Variants in CSMD1 observed in about 807,000 individuals in gnomAD.
CSMD1 encodes the protein CUB and sushi domain-containing protein 1.
In CSMD1, 213 loss-of-function variants were observed where a neutral mutation model predicts 417.5. The observed-to-expected ratio is 0.51, with a 90% CI of 0.46 to 0.57. CSMD1 has a LOEUF of 0.57. CSMD1 is among the 20% of genes least tolerant of loss of function. The pLI is 0.00. For synonymous variants in CSMD1, 2,862 were observed against 1,736.8 expected, an observed-to-expected ratio of 1.65 and a Z score of -16.11; for missense variants, 6,923 against 4,529.7, an observed-to-expected ratio of 1.53 and a Z score of -15.17.
At chr8:3,456,023 C>T (rs746650805) in intron 12 of CSMD1, among the ~76,000 whole-genome samples, 2 of 152,128 alleles carry the variant, frequency 1.3e-5, no homozygotes, top group Non-Finnish European at 2.9e-5. Context: ...GGTGCCCCTC[C>T]CCCAGCCTCG....
chr8:4,180,524 A>G (rs1233892955), intron 3 of CSMD1, among the ~76,000 whole-genome samples: 1 of 151,910 alleles, frequency 6.6e-6, no homozygotes, highest in Non-Finnish European at 1.5e-5. Context: ...ACATGTATAC[A>G]TATGTAACTA....
intron 5 of CSMD1, among the ~76,000 whole-genome samples, chr8:3,936,369 T>A (rs2129709920): frequency 6.6e-6 from 1 of 152,194 alleles, no homozygotes; most frequent in Middle Eastern, 3.4e-3. Context: ...CCATCTAGGA[T>A]TTTCATAGCT....
chr8:3,235,940 CAG>C (rs373141517), intron 26 of CSMD1, among the ~76,000 whole-genome samples: 1,150 of 74,418 alleles, frequency 0.015, 19 homozygotes, highest in African/African-American at 0.048. Context: ...TTTTTTGAGA[CAG>C]AGTCTTGATC....
chr8:3,534,207 C>A (rs753073699), intron 10 of CSMD1, among the ~76,000 whole-genome samples: 1 of 152,144 alleles, frequency 6.6e-6, no homozygotes, highest in Non-Finnish European at 1.5e-5. Flanking sequence ...TCCTGCAATG[C>A]CACGCCCTTT....
intron 26 of CSMD1, among the ~76,000 whole-genome samples, chr8:3,253,593 C>T (rs1244896476): frequency 2.6e-5 from 4 of 152,090 alleles, no homozygotes; most frequent in Non-Finnish European, 5.9e-5. Flanking sequence ...TTTTTAACTT[C>T]CTGTCTCATT....
intron 12 of CSMD1, among the ~76,000 whole-genome samples, chr8:3,466,618 G>T (rs112544899): frequency 8.4e-5 from 12 of 143,100 alleles, no homozygotes; most frequent in Admixed American, 6.5e-4. Flanking sequence ...AGGAGAGATA[G>T]GGGTTTCACC....
At chr8:4,655,657 TAGATGAAA>T (rs549429199) in intron 1 of CSMD1, among the ~76,000 whole-genome samples, 33 of 152,240 alleles carry the variant, frequency 2.2e-4, no homozygotes, top group African/African-American at 8.0e-4. Flanking sequence ...CTTAATCATT[TAGATGAAA>T]AGTCAATATA....
intron 26 of CSMD1, among the ~76,000 whole-genome samples, chr8:3,269,237 A>G (rs552308425): frequency 5.9e-5 from 9 of 152,332 alleles, no homozygotes; most frequent in Non-Finnish European, 1.0e-4. Flanking sequence ...GCTGTTCACA[A>G]TCTATGATCC....
At chr8:4,652,066 C>G (rs563960053) in intron 1 of CSMD1, among the ~76,000 whole-genome samples, 1 of 152,120 alleles carries the variant, frequency 6.6e-6, no homozygotes, top group Admixed American at 6.5e-5. Context: ...TCAGGAAGAA[C>G]TTGAATTGTC....
At chr8:4,886,689 T>A (rs1025471860) in intron 1 of CSMD1, among the ~76,000 whole-genome samples, 2 of 152,076 alleles carry the variant, frequency 1.3e-5, no homozygotes, top group African/African-American at 4.8e-5. Context: ...ACAGATTCAT[T>A]CAGATTTTCT....
chr8:3,294,864 G>A (rs1435164609), intron 25 of CSMD1, among the ~76,000 whole-genome samples: 3 of 152,112 alleles, frequency 2.0e-5, no homozygotes, highest in East Asian at 3.9e-4. Flanking sequence ...CCAGTGAGAT[G>A]TACCCGGTAC....
chr8:3,077,305 GT>G (rs1813752859), intron 49 of CSMD1, among the ~76,000 whole-genome samples: 1 of 152,118 alleles, frequency 6.6e-6, no homozygotes, highest in African/African-American at 2.4e-5. Context: ...GGGTGCCTAG[GT>G]CCCCCCAAGA....
chr8:4,088,049 T>C (rs1800512609), intron 3 of CSMD1, among the ~76,000 whole-genome samples: 1 of 152,178 alleles, frequency 6.6e-6, no homozygotes, highest in South Asian at 2.1e-4. Context: ...CCCAGCACCA[T>C]GACCTTTGAC....
chr8:4,947,614 G>A (rs147781704), intron 1 of CSMD1, among the ~76,000 whole-genome samples: 335 of 152,022 alleles, frequency 2.2e-3, no homozygotes, highest in African/African-American at 7.6e-3. Context: ...GTAAACTTAC[G>A]GCATTCTTCT....
rs540682374 is a variant in CSMD1, at chr8:4,440,534, T to G, written c.303-20469A>C. ...CTATGGATATAAAGACATGTACAGATAACATTGCTGACATGCATATCTATA... is the reference window on the plus strand; with the variant it reads ...CTATGGATATAAAGACATGTACAGAGAACATTGCTGACATGCATATCTATA... On this transcript the variant is annotated intron_variant, in intron 2 of 69. Coordinates refer to ENST00000635120, the MANE Select transcript of CSMD1 (RefSeq NM_033225.6). Among the ~76,000 whole-genome samples, 52 of 152,302 alleles carry G rather than the reference T, an allele frequency of 3.4e-4. 1 individual carries two copies. The South Asian group carries it at 0.011, about 32-fold the overall frequency.
At chr8:4,316,780 A>G (rs1464746783) in intron 3 of CSMD1, among the ~76,000 whole-genome samples, 2 of 152,158 alleles carry the variant, frequency 1.3e-5, no homozygotes, top group Non-Finnish European at 2.9e-5. Context: ...TTTCAAATCC[A>G]GAAGTAAATC....
chr8:2,987,415 AATAT>A (rs896913469), intron 54 of CSMD1, among the ~76,000 whole-genome samples: 1 of 148,452 alleles, frequency 6.7e-6, no homozygotes, highest in African/African-American at 2.4e-5. Flanking sequence ...CTTTCTATAT[AATAT>A]ATACATAAAT....
At chr8:4,721,588 A>T (rs1809053859) in intron 1 of CSMD1, among the ~76,000 whole-genome samples, 1 of 152,210 alleles carries the variant, frequency 6.6e-6, no homozygotes, top group Admixed American at 6.6e-5. Context: ...AAAGAAATGA[A>T]CTGCTGTGCA....
intron 1 of CSMD1, among the ~76,000 whole-genome samples, chr8:4,702,603 A>G (rs1246342060): frequency 1.3e-5 from 2 of 152,218 alleles, no homozygotes. Flanking sequence ...CCTTTACAAA[A>G]TGAACCTCAT....
Sources: gnomAD v4.1 joint callset for allele counts (sites outside exome capture counted in the v4.1 genomes callset) on GRCh38, gnomAD v4.1.1 for gene constraint, MANE v1.5 for transcripts, NCBI Gene and HGNC (gene_info 2026-07-23, HGNC 2026-07-21) for gene names.